ASS1: variants seen among roughly 807,000 people sequenced by gnomAD.
The protein encoded by ASS1 is argininosuccinate synthase.
Under a neutral mutation model 60.5 loss-of-function variants are expected in ASS1, and 58 were observed. That is an observed-to-expected ratio of 0.96 (90% CI 0.78 to 1.19). The LOEUF (loss-of-function observed/expected upper bound fraction) is 1.19. Among genes scored for constraint, ASS1 ranks in the 50% most tolerant of loss-of-function variants. The probability of loss-of-function intolerance (pLI) is 0.00; values close to 1 mark genes in which losing one functional copy is unlikely to be tolerated. For synonymous variants in ASS1, 200 were observed against 206.9 expected, an observed-to-expected ratio of 0.97 and a Z score of 0.29; for missense variants, 454 against 547.3, an observed-to-expected ratio of 0.83 and a Z score of 1.70.
chr9:130,461,396 G>C (rs1019198109), intron 4 of ASS1, among the ~76,000 whole-genome samples: 1 of 152,124 alleles, frequency 6.6e-6, no homozygotes, highest in Non-Finnish European at 1.5e-5. Context: ...ACAAAGGCGG[G>C]AGGAGGTGGC....
At chr9:130,495,480 C>CATACATAT (rs1323684435) in intron 13 of ASS1, among the ~76,000 whole-genome samples, 1 of 150,588 alleles carries the variant, frequency 6.6e-6, no homozygotes, top group African/African-American at 2.5e-5. Context: ...TATACACACA[C>CATACATAT]ACACACACAC....
intron 11 of ASS1, among the ~76,000 whole-genome samples, chr9:130,480,746 G>T (rs1183580272): frequency 6.6e-6 from 1 of 152,210 alleles, no homozygotes; most frequent in East Asian, 1.9e-4. Flanking sequence ...TGGAGGTCAG[G>T]CTGTCTTGTG....
intron 5 of ASS1, 110 bp downstream of exon 5, chr9:130,464,277 C>T (rs1845673500): frequency 7.3e-7 from 1 of 1,370,840 alleles, no homozygotes; most frequent in South Asian, 1.2e-5. Flanking sequence ...AGAATCTCCT[C>T]CGTGGCAGGG....
In ASS1 at chr9:130,470,432, C is replaced by T. The variant is rs1017710319; in HGVS notation, c.496-402C>T. The stretch of plus-strand genomic sequence containing the variant: ...GTCCACAGGAAGCACTGCCTGGGCT[C>T]TGGTGCCAGGTGCCCCGGTCCACAG... On this transcript the variant is annotated intron_variant, in intron 6 of 14. Transcript: ENST00000352480. The surrounding 1 kb of genome is among the most constrained non-coding windows in gnomAD (Gnocchi z 4.3). 3.3e-5 allele frequency among the ~76,000 whole-genome samples: 5 copies of T among 152,172 alleles called. No individual in the cohort carries two copies. Among genetic ancestry groups the T allele is most frequent in the Non-Finnish European group, 4.4e-5 (3 of 68,020 alleles).
intron 2 of ASS1, among the ~76,000 whole-genome samples, chr9:130,452,774 G>T (rs1403227414): frequency 6.6e-6 from 1 of 152,168 alleles, no homozygotes; most frequent in African/African-American, 2.4e-5. Context: ...ACCTGGTTCT[G>T]GGATGGGAAA....
intron 9 of ASS1, among the ~76,000 whole-genome samples, chr9:130,479,175 G>A (rs556371795): frequency 6.8e-6 from 1 of 146,120 alleles, no homozygotes; most frequent in East Asian, 2.3e-4. Flanking sequence ...CCGACACCTC[G>A]CCTGCTGGAG....
In ASS1 at chr9:130,470,508, T is replaced by C. The variant is rs1027232537; in HGVS notation, c.496-326T>C. 1.3e-5 allele frequency among the ~76,000 whole-genome samples: 2 copies of C among 152,182 alleles called. No homozygotes were observed. Among genetic ancestry groups the C allele is most frequent in the African/African-American group, 4.8e-5 (2 of 41,450 alleles). On this transcript the variant is annotated intron_variant, in intron 6 of 14. Coordinates refer to ENST00000352480, the MANE Select transcript of ASS1 (RefSeq NM_054012.4). This position sits in a 1 kb window ranked among gnomAD's most constrained non-coding sequence, Gnocchi z 4.3. The stretch of plus-strand genomic sequence containing the variant: ...GCTCGTAGGGTGGTGGCGGGGCTGG[T>C]TGGCTGGTGCCGGGAGACCTGGCTG...
At position 130,488,038 on chromosome 9, in the gene ASS1, A is replaced by T. The variant is rs1483609357; in HGVS notation, c.839-1295A>T. 6.6e-6 allele frequency among the ~76,000 whole-genome samples: 1 copy of T among 152,084 alleles called. No homozygotes were observed. Among genetic ancestry groups the T allele is most frequent in the Non-Finnish European group, 1.5e-5 (1 of 68,004 alleles). ...CCAAAGTGCTAGAATTATTACAGTCATGAGCCACTGTGCCCGGCCCCCTTC... is the reference window on the plus strand; with the variant it reads ...CCAAAGTGCTAGAATTATTACAGTCTTGAGCCACTGTGCCCGGCCCCCTTC... On this transcript the variant is annotated intron_variant, in intron 11 of 14. Transcript: ENST00000352480. This position sits in a 1 kb window ranked among gnomAD's most constrained non-coding sequence, Gnocchi z 5.2.
At chr9:130,449,259 C>T (rs990097077) in intron 1 of ASS1, among the ~76,000 whole-genome samples, 3 of 148,906 alleles carry the variant, frequency 2.0e-5, no homozygotes, top group Non-Finnish European at 4.4e-5. Flanking sequence ...GGGAGGATCC[C>T]TTGAGCCCAA....
chr9:130,498,546 G>A (rs1846659406), intron 13 of ASS1, among the ~76,000 whole-genome samples: 1 of 152,210 alleles, frequency 6.6e-6, no homozygotes, highest in African/African-American at 2.4e-5. Context: ...CAGGCAGCAA[G>A]GGCTTAATAA....
Position 130,477,360 on chromosome 9 carries a change from C to T in ASS1, c.688+399C>T, listed in dbSNP as rs143535430. 6.7e-3 allele frequency among the ~76,000 whole-genome samples: 1,027 copies of T among 152,280 alleles called. 16 individuals carry two copies. Among genetic ancestry groups the T allele is most frequent in the African/African-American group, 0.024 (980 of 41,536 alleles). ...GGGAGCGTCCAGCCCTGGGCCCTGA[C>T]CCCGGAAGGTGCTCAGTAAACGGTG... On this transcript the variant is annotated intron_variant, in intron 9 of 14. Transcript: ENST00000352480. The surrounding 1 kb of genome is among the most constrained non-coding windows in gnomAD (Gnocchi z 4.2).
intron 13 of ASS1, among the ~76,000 whole-genome samples, chr9:130,495,538 C>T (rs2118883105): frequency 6.6e-6 from 1 of 150,472 alleles, no homozygotes; most frequent in East Asian, 2.0e-4. Flanking sequence ...GAAGAAGCTC[C>T]TTTGCTATTC....
chr9:130,479,945 C>T, intron 10 of ASS1, 145 bp downstream of exon 10: 1 of 1,007,984 alleles, frequency 9.9e-7, no homozygotes. Flanking sequence ...ACAGAGTTTC[C>T]CGGACCAGGG....
chr9:130,466,292 C>T (rs1234134644), intron 5 of ASS1, among the ~76,000 whole-genome samples: 2 of 152,182 alleles, frequency 1.3e-5, no homozygotes, highest in Admixed American at 1.3e-4. Flanking sequence ...GGGTGGGGGG[C>T]AGCCTATGCC....
At chr9:130,468,300 C>T (rs989158149) in intron 6 of ASS1, among the ~76,000 whole-genome samples, 2 of 152,178 alleles carry the variant, frequency 1.3e-5, no homozygotes, top group African/African-American at 4.8e-5. Context: ...AAAAAGGCGC[C>T]AGAGGACTCA....
intron 11 of ASS1, among the ~76,000 whole-genome samples, chr9:130,484,751 C>T (rs1457377841): frequency 2.6e-5 from 4 of 150,946 alleles, no homozygotes; most frequent in Non-Finnish European, 5.9e-5. Context: ...ACACAGAAAT[C>T]ATCTGTACCC....
chr9:130,500,505 G>A (rs535153455), intron 14 of ASS1, among the ~76,000 whole-genome samples: 2 of 152,162 alleles, frequency 1.3e-5, no homozygotes, highest in East Asian at 3.9e-4. Context: ...CCTGGGCACA[G>A]AGCCATCATT....
chr9:130,463,323 GCCT>G (rs1293683548), intron 4 of ASS1, among the ~76,000 whole-genome samples: 1 of 152,222 alleles, frequency 6.6e-6, no homozygotes, highest in African/African-American at 2.4e-5. Flanking sequence ...GCTGACCCCG[GCCT>G]CCTCCTCCTC....
chr9:130,485,518 T>C (rs1039595025), intron 11 of ASS1, among the ~76,000 whole-genome samples: 1 of 152,124 alleles, frequency 6.6e-6, no homozygotes, highest in Non-Finnish European at 1.5e-5. Flanking sequence ...TGGACTGCCC[T>C]ACAGTTGGCC....
Sources: allele counts gnomAD v4.1 joint callset (sites outside exome capture counted in the v4.1 genomes callset), GRCh38; gene constraint gnomAD v4.1.1; non-coding constraint Gnocchi (gnomAD v3.1); transcripts MANE v1.5; gene names NCBI Gene and HGNC (gene_info 2026-07-23, HGNC 2026-07-21).